Variants in SRRD observed in about 807,000 individuals in gnomAD.
SRRD encodes SRR1-like protein.
In SRRD, 28 loss-of-function variants were observed where a neutral mutation model predicts 30.7. The observed-to-expected ratio is 0.91, with a 90% CI of 0.68 to 1.25. SRRD has a LOEUF of 1.25. SRRD is among the 50% of genes most tolerant of loss of function. SRRD has a pLI of 0.00. For synonymous variants in SRRD, 161 were observed against 159.6 expected (o/e 1.01, Z -0.07); for missense variants, 415 against 417.3 (o/e 0.99, Z 0.05).
At chr22:26,486,213 G>C in intron 2 of SRRD, 150 bp downstream of exon 2, 4 of 794,124 alleles carry the variant, frequency 5.0e-6, no homozygotes, top group Non-Finnish European at 8.2e-6. Context: ...ACTTAATTCT[G>C]ATCCTCAGTT....
intron 1 of SRRD, among the ~76,000 whole-genome samples, chr22:26,484,753 A>G (rs9620612): frequency 6.6e-6 from 1 of 152,312 alleles, no homozygotes; most frequent in South Asian, 2.1e-4. Flanking sequence ...ATTCTCACAT[A>G]CCTTGCTCTG....
chr22:26,494,500 A>C lies in SRRD; in HGVS notation c.*2828A>C. 1.4e-6 allele frequency: 1 copy of C among 729,740 alleles called. No homozygotes were observed. Among genetic ancestry groups the C allele is most frequent in the African/African-American group, 1.8e-5 (1 of 56,664 alleles). The allele number at this position is 729,740 out of a possible 1,614,324, so 45.2% of individuals were successfully genotyped here. On this transcript the variant is annotated 3_prime_UTR_variant, in exon 7 of 7. Coordinates refer to ENST00000215917, the MANE Select transcript of SRRD (RefSeq NM_001013694.3). ...AGCCTGGTAGCTAAAGTGCCCTTGCATGTAAACTCTCTGAGCCTCAGCTTC... is the reference window on the plus strand; with the variant it reads ...AGCCTGGTAGCTAAAGTGCCCTTGCCTGTAAACTCTCTGAGCCTCAGCTTC...
In SRRD at chr22:26,484,452, C is replaced by T. The variant is rs1187363246; in HGVS notation, c.209+353C>T. Among the ~76,000 whole-genome samples the T allele has an allele frequency of 5.9e-5, 9 of 152,072 alleles. No individual in the cohort carries two copies. The East Asian group carries it at 1.7e-3, about 29-fold the overall frequency. ...TTCTGGCACGTGGTAAGCACTGTGC[C>T]AGTGTTTGCTATTAATATTATGCCG... On this transcript the variant is annotated intron_variant, in intron 1 of 6. Coordinates refer to ENST00000215917, the MANE Select transcript of SRRD (RefSeq NM_001013694.3).
At position 26,493,873 on chromosome 22, in the gene SRRD, T is replaced by A. The variant is rs1225318985; in HGVS notation, c.*2201T>A. 4.6e-6 allele frequency: 2 copies of A among 438,826 alleles called. No homozygotes were observed. Among genetic ancestry groups the A allele is most frequent in the East Asian group, 4.6e-5 (1 of 21,818 alleles). The allele number at this position is 438,826 out of a possible 1,614,324, so 27.2% of individuals were successfully genotyped here. A position where few individuals can be genotyped will look rare whatever the true frequency, so the allele number is the denominator to read the frequency against. ...GCACAGTGGTTAAGAGGGCGGGGCC[T>A]GGGGTTAGACTGACATCATCTGAAT... On this transcript the variant is annotated 3_prime_UTR_variant, in exon 7 of 7. Coordinates refer to ENST00000215917, the MANE Select transcript of SRRD (RefSeq NM_001013694.3).
chr22:26,491,457 G>C lies in SRRD; in HGVS notation c.811-6G>C. 1 of 1,606,402 alleles carries C rather than the reference G, an allele frequency of 6.2e-7. No homozygotes were observed. Among genetic ancestry groups the C allele is most frequent in the Non-Finnish European group, 8.5e-7 (1 of 1,176,586 alleles). On this transcript the variant is annotated splice_polypyrimidine_tract_variant and splice_region_variant and intron_variant, in intron 6 of 6. Transcript: ENST00000215917. ...GAAGTTTTTATACTTGAATTTTTCT[G>C]CTCAGATTTTAAAAGGACTGGAGGA...
intron 4 of SRRD, 147 bp from the exon 5 acceptor site, chr22:26,489,897 T>C: frequency 2.6e-6 from 2 of 765,004 alleles, no homozygotes; most frequent in East Asian, 2.6e-5. Flanking sequence ...AGATTTCATA[T>C]ACGAGTGTAA....
Position 26,492,926 on chromosome 22 carries a change from G to T in SRRD, c.*1254G>T, listed in dbSNP as rs1051194871. On this transcript the variant is annotated 3_prime_UTR_variant, in exon 7 of 7. Coordinates refer to ENST00000215917, the MANE Select transcript of SRRD (RefSeq NM_001013694.3). ...ACAGTTTTGGAAACATGAGGCCAAG[G>T]GTAGCTAAGGAAGAGTTTTTAGAAA... is the stretch of plus-strand genomic sequence containing the variant. 1 of 153,444 alleles carries T rather than the reference G, an allele frequency of 6.5e-6. No homozygotes were observed. Among genetic ancestry groups the T allele is most frequent in the Admixed American group, 6.5e-5 (1 of 15,476 alleles). The allele number at this position is 153,444 out of a possible 1,614,324, so 9.5% of individuals were successfully genotyped here.
At position 26,488,492 on chromosome 22, in the gene SRRD, A is replaced by G; in HGVS notation, c.609+4A>G. The G allele has an allele frequency of 6.2e-7, 1 of 1,609,072 alleles. No individual in the cohort carries two copies. Among genetic ancestry groups the G allele is most frequent in the Middle Eastern group, 1.7e-4 (1 of 6,056 alleles). The stretch of plus-strand genomic sequence containing the variant: ...GACTGTTCTCAGTGAGAACGAGGTA[A>G]GTGGTTTAAAGGGGAGCAGACAGAA... On this transcript the variant is annotated splice_donor_region_variant and intron_variant, in intron 4 of 6. Coordinates refer to ENST00000215917, the MANE Select transcript of SRRD (RefSeq NM_001013694.3).
intron 5 of SRRD, 145 bp downstream of exon 5, chr22:26,490,343 G>A: frequency 7.1e-6 from 7 of 979,668 alleles, no homozygotes; most frequent in East Asian, 2.6e-5. Context: ...CTTAAAGACA[G>A]ATGTCAAATC....
rs2091706532 is a variant in SRRD, at chr22:26,486,047, C to T, written c.234C>T (p.Phe78=). 1 of 1,614,016 alleles carries T rather than the reference C, an allele frequency of 6.2e-7. No individual in the cohort carries two copies. The highest frequency in any genetic ancestry group is 8.5e-7 in the Non-Finnish European group (1 of 1,180,030). ...GGAAGGACCTGTTTATCTCTGATTT[C>T]TGGAGTTCAGCACTAGGTGGGTACC... ...EAEKDLFISD[F]WSSALETINR... is the part of the protein sequence containing the mutation. The change falls in exon 2 of 7, where the codon TTC becomes TTT. Residue 78 remains phenylalanine (F), a synonymous_variant. Coordinates refer to ENST00000215917, the MANE Select transcript of SRRD (RefSeq NM_001013694.3).
chr22:26,486,180 C>A, intron 2 of SRRD, 117 bp downstream of exon 2: 1 of 1,105,702 alleles, frequency 9.0e-7, no homozygotes, highest in East Asian at 2.5e-5. Context: ...CCGCCCGCCC[C>A]TTACAGCTGT....
chr22:26,486,081 A>G lies in SRRD; in HGVS notation c.250+18A>G, dbSNP rs775616258. The G allele has an allele frequency of 6.2e-7, 1 of 1,614,108 alleles. No individual in the cohort carries two copies. The highest frequency in any genetic ancestry group is 1.7e-5 in the Admixed American group (1 of 60,014). ...AGCACTAGGTGGGTACCACTTGGCC[A>G]ATGGTAGGGATTGTGGGGCAGAAAA... On this transcript the variant is annotated intron_variant, in intron 2 of 6. Transcript: ENST00000215917.
rs1164308350 is a variant in SRRD at position 26,493,956 on chromosome 22, G to A, written c.*2284G>A. ...GCCCCTCTCAGTCATGGTAGACCTG[G>A]GCAGTGGGTGCCAGCTGACCATGTA... On this transcript the variant is annotated 3_prime_UTR_variant, in exon 7 of 7. Coordinates refer to ENST00000215917, the MANE Select transcript of SRRD (RefSeq NM_001013694.3). 30 of 609,056 alleles carry A rather than the reference G, an allele frequency of 4.9e-5. No individual in the cohort carries two copies. The South Asian group carries it at 5.8e-4, about 12-fold the overall frequency. The allele number at this position is 609,056 out of a possible 1,614,324, so 37.7% of individuals were successfully genotyped here.
Position 26,494,638 on chromosome 22 carries a change from A to G in SRRD, c.*2966A>G, listed in dbSNP as rs1343368128. 15 of 1,056,044 alleles carry G rather than the reference A, an allele frequency of 1.4e-5. No individual in the cohort carries two copies. The highest frequency in any genetic ancestry group is 1.6e-5 in the South Asian group (1 of 60,918). 65.4% of individuals were successfully genotyped at this position (1,056,044 alleles called of 1,614,324 possible). A position where few individuals can be genotyped will look rare whatever the true frequency, so the allele number is the denominator to read the frequency against. Reference sequence around the variant, plus strand: ...GCTTCTGATACATGGCAAATGTCCAATAAATGGTGCCCACTATGAAGATGA... The same window carrying G: ...GCTTCTGATACATGGCAAATGTCCAGTAAATGGTGCCCACTATGAAGATGA... On this transcript the variant is annotated 3_prime_UTR_variant, in exon 7 of 7. Coordinates refer to ENST00000215917, the MANE Select transcript of SRRD (RefSeq NM_001013694.3).
At position 26,494,406 on chromosome 22, in the gene SRRD, G is replaced by A. The variant is rs1480501641; in HGVS notation, c.*2734G>A. On this transcript the variant is annotated 3_prime_UTR_variant, in exon 7 of 7. Transcript: ENST00000215917. ...GTTTTGATCCTGGTCCTACAGGCTA[G>A]TGACACTACTTTACAGGGATTTATA... is the stretch of plus-strand genomic sequence containing the variant. The A allele has an allele frequency of 7.4e-7, 1 of 1,349,952 alleles. No homozygotes were observed. 83.6% of individuals were successfully genotyped at this position (1,349,952 alleles called of 1,614,324 possible). A position where few individuals can be genotyped will look rare whatever the true frequency, so the allele number is the denominator to read the frequency against.
rs1390440141 is a variant in SRRD at position 26,491,825 on chromosome 22, C to G, written c.*153C>G. The G allele has an allele frequency of 1.1e-6, 1 of 920,382 alleles. No individual in the cohort carries two copies. The highest frequency in any genetic ancestry group is 2.6e-5 in the East Asian group (1 of 38,036). The allele number at this position is 920,382 out of a possible 1,614,324, so 57.0% of individuals were successfully genotyped here. On this transcript the variant is annotated 3_prime_UTR_variant, in exon 7 of 7. Transcript: ENST00000215917. ...TTGAGGACGATACCCCACATGAGGACTTGGTATAAAGATTCCTGCCCTACG... is the reference window on the plus strand; with the variant it reads ...TTGAGGACGATACCCCACATGAGGAGTTGGTATAAAGATTCCTGCCCTACG...
Position 26,488,496 on chromosome 22 carries a change from G to A in SRRD, c.609+8G>A, listed in dbSNP as rs994621202. ...GTTCTCAGTGAGAACGAGGTAAGTGGTTTAAAGGGGAGCAGACAGAACTGT... is the reference window on the plus strand; with the variant it reads ...GTTCTCAGTGAGAACGAGGTAAGTGATTTAAAGGGGAGCAGACAGAACTGT... On this transcript the variant is annotated splice_region_variant and intron_variant, in intron 4 of 6. Transcript: ENST00000215917. The A allele has an allele frequency of 1.9e-6, 3 of 1,603,412 alleles. No homozygotes were observed. The highest frequency in any genetic ancestry group is 2.6e-6 in the Non-Finnish European group (3 of 1,170,332).
At position 26,487,824 on chromosome 22, in the gene SRRD, C is replaced by T. The variant is rs529029824; in HGVS notation, c.251-205C>T. Among the ~76,000 whole-genome samples, 7 of 152,254 alleles carry T rather than the reference C, an allele frequency of 4.6e-5. No individual in the cohort carries two copies. In the East Asian group the frequency reaches 1.3e-3, roughly 29 times the overall value. On this transcript the variant is annotated intron_variant, in intron 2 of 6. Coordinates refer to ENST00000215917, the MANE Select transcript of SRRD (RefSeq NM_001013694.3). ...GGTTTTGGGAGTCCAGGGGCCGGGA[C>T]AGTTTGTCAATTGGTGGTGAATGTG...
chr22:26,494,270 T>C lies in SRRD; in HGVS notation c.*2598T>C, dbSNP rs960208140. ...CAGGTACCACTTGGTGATCTCCTCA[T>C]AATTTGGGCTGTTACTGAGCCAAGA... On this transcript the variant is annotated 3_prime_UTR_variant, in exon 7 of 7. Transcript: ENST00000215917. The C allele has an allele frequency of 6.2e-7, 1 of 1,614,224 alleles. No homozygotes were observed. The highest frequency in any genetic ancestry group is 1.3e-5 in the African/African-American group (1 of 75,058).
Sources: allele counts gnomAD v4.1 joint callset (sites outside exome capture counted in the v4.1 genomes callset), GRCh38; gene constraint gnomAD v4.1.1; transcripts MANE v1.5; gene names NCBI Gene and HGNC (gene_info 2026-07-23, HGNC 2026-07-21).